The following SLC41A2 variants were observed in gnomAD, a reference collection of about 807,000 sequenced individuals.
The protein encoded by SLC41A2 is solute carrier family 41 member 2.
In SLC41A2, 32 loss-of-function variants were observed where a neutral mutation model predicts 58.3. The observed-to-expected ratio is 0.55, with a 90% CI of 0.41 to 0.74. The LOEUF (loss-of-function observed/expected upper bound fraction) is 0.74. Ranked by LOEUF, SLC41A2 falls within the 30% of genes least tolerant of loss-of-function variation. The pLI, the probability that SLC41A2 is intolerant of heterozygous loss-of-function variation, is 0.00. For synonymous variants in SLC41A2, 190 were observed against 235.0 expected, an observed-to-expected ratio of 0.81 and a Z score of 1.75; for missense variants, 514 against 680.6, an observed-to-expected ratio of 0.76 and a Z score of 2.72.
At chr12:104,901,545 T>G (rs1339006227) in intron 3 of SLC41A2, among the ~76,000 whole-genome samples, 1 of 151,912 alleles carries the variant, frequency 6.6e-6, no homozygotes, top group Non-Finnish European at 1.5e-5. Context: ...CTATTTTTAT[T>G]TATTTATTTA....
chr12:104,900,649 C>T (rs2045516724), intron 3 of SLC41A2, among the ~76,000 whole-genome samples: 1 of 152,146 alleles, frequency 6.6e-6, no homozygotes. Flanking sequence ...ATGTTTATAA[C>T]TTAAGAAAGA....
At chr12:104,938,659 A>C (rs1046761714) in intron 1 of SLC41A2, among the ~76,000 whole-genome samples, 1 of 152,246 alleles carries the variant, frequency 6.6e-6, no homozygotes, top group Non-Finnish European at 1.5e-5. Context: ...TACAGCAACC[A>C]CAGCCACCCC....
Position 104,928,402 on chromosome 12 carries a change from G to C in SLC41A2, c.126C>G (p.Leu42=). The C allele has an allele frequency of 6.4e-7, 1 of 1,564,804 alleles. No individual in the cohort carries two copies. The highest frequency in any genetic ancestry group is 8.7e-7 in the Non-Finnish European group (1 of 1,153,046). The change falls in exon 2 of 11, where the codon CTC becomes CTG. Residue 42 remains leucine (L), a synonymous_variant. Coordinates refer to ENST00000258538, the MANE Select transcript of SLC41A2 (RefSeq NM_001352171.3). The part of the protein sequence containing the change: ...TIQSDKFLNL[L]LSMVPVIYQK... ...GGTAAATCACTGGAACCATACTCAA[G>C]AGTAAATTTAAAAACTTGTCGGATT...
intron 1 of SLC41A2, among the ~76,000 whole-genome samples, chr12:104,947,324 C>A (rs1197566532): frequency 6.6e-6 from 1 of 150,978 alleles, no homozygotes; most frequent in Non-Finnish European, 1.5e-5. Flanking sequence ...CTGCCTCAGC[C>A]TCCTGAGTAG....
intron 3 of SLC41A2, among the ~76,000 whole-genome samples, chr12:104,899,248 C>T (rs1042488168): frequency 3.3e-5 from 5 of 152,134 alleles, no homozygotes; most frequent in African/African-American, 1.2e-4. Flanking sequence ...GCTTTAAAGA[C>T]TTTATTCAAT....
chr12:104,934,125 C>A (rs1162725922), intron 1 of SLC41A2, among the ~76,000 whole-genome samples: 1 of 151,812 alleles, frequency 6.6e-6, no homozygotes, highest in African/African-American at 2.4e-5. Context: ...TGCATATATA[C>A]CACAAAATTT....
At chr12:104,951,423 C>T (rs563661790) in intron 1 of SLC41A2, 8 of 152,164 alleles carry the variant, frequency 5.3e-5, no homozygotes, top group African/African-American at 1.9e-4. Context: ...TAAAAACTAA[C>T]GAGCAAAATT....
At chr12:104,918,928 T>C (rs962328268) in intron 2 of SLC41A2, among the ~76,000 whole-genome samples, 5 of 152,164 alleles carry the variant, frequency 3.3e-5, no homozygotes, top group Non-Finnish European at 4.4e-5. Context: ...GATATTGGCA[T>C]TGATACAGTC....
At position 104,804,220 on chromosome 12, in the gene SLC41A2, C is replaced by T. The variant is rs1311110784; in HGVS notation, c.*932G>A. On this transcript the variant is annotated 3_prime_UTR_variant, in exon 11 of 11. Coordinates refer to ENST00000258538, the MANE Select transcript of SLC41A2 (RefSeq NM_001352171.3). ...CTGGTCAGCAGCAAAATTTTTGGAC[C>T]CAATGACAAAAACATGTTAATAGAA... The T allele has an allele frequency of 6.7e-6, 1 of 150,176 alleles. No homozygotes were observed. The highest frequency in any genetic ancestry group is 1.5e-5 in the Non-Finnish European group (1 of 67,658). The allele number at this position is 150,176 out of a possible 1,614,324, so 9.3% of individuals were successfully genotyped here.
intron 10 of SLC41A2, chr12:104,834,055 T>C (rs562394597): frequency 1.0e-6 from 1 of 985,376 alleles, no homozygotes. Context: ...TATCAGGCTT[T>C]ACAAGACCGA....
At chr12:104,925,314 T>C (rs2046785887) in intron 2 of SLC41A2, among the ~76,000 whole-genome samples, 1 of 151,924 alleles carries the variant, frequency 6.6e-6, no homozygotes, top group Non-Finnish European at 1.5e-5. Flanking sequence ...ATCCCAGCAC[T>C]TTGGGAGGCC....
At chr12:104,937,230 A>G (rs1468571462) in intron 1 of SLC41A2, among the ~76,000 whole-genome samples, 2 of 152,352 alleles carry the variant, frequency 1.3e-5, no homozygotes, top group East Asian at 3.9e-4. Flanking sequence ...TAAAGTCTGC[A>G]GTAGTGCACA....
At chr12:104,857,583 G>T (rs2043062609) in intron 8 of SLC41A2, among the ~76,000 whole-genome samples, 1 of 152,042 alleles carries the variant, frequency 6.6e-6, no homozygotes, top group Non-Finnish European at 1.5e-5. Flanking sequence ...ATTCACAATA[G>T]CAAAGACTTG....
chr12:104,880,488 C>T (rs1476376382), intron 6 of SLC41A2, among the ~76,000 whole-genome samples: 1 of 152,088 alleles, frequency 6.6e-6, no homozygotes, highest in Non-Finnish European at 1.5e-5. Flanking sequence ...GAGATATGTC[C>T]CATCAATACC....
intron 10 of SLC41A2, among the ~76,000 whole-genome samples, chr12:104,833,361 C>T (rs1304507591): frequency 6.6e-6 from 1 of 152,168 alleles, no homozygotes; most frequent in Non-Finnish European, 1.5e-5. Context: ...CCCAAGTAAT[C>T]ATACTTCTAC....
In SLC41A2 at chr12:104,883,823, C is replaced by T. The variant is rs113717475; in HGVS notation, c.1027+2470G>A. Reference sequence around the variant, plus strand: ...GGACCCACTTGAGGAGGCAGTCTGTCCGTTCTCAGATCTCAAACTCCGTGC... The same window carrying T: ...GGACCCACTTGAGGAGGCAGTCTGTTCGTTCTCAGATCTCAAACTCCGTGC... On this transcript the variant is annotated intron_variant, in intron 6 of 10. Transcript: ENST00000258538. 8.0e-3 allele frequency among the ~76,000 whole-genome samples: 1,215 copies of T among 152,338 alleles called. 8 individuals are homozygous for T. The highest frequency in any genetic ancestry group is 0.02 in the Middle Eastern group (6 of 294).
At chr12:104,932,751 T>C (rs964679126) in intron 1 of SLC41A2, among the ~76,000 whole-genome samples, 3 of 151,328 alleles carry the variant, frequency 2.0e-5, no homozygotes, top group Non-Finnish European at 4.4e-5. Context: ...CCAACTGATA[T>C]TCAAGAAGCA....
chr12:104,803,253 GA>G lies in SLC41A2; in HGVS notation c.*1898del, dbSNP rs2040759681. ...TATAATAAAATCAAAGATATTCATG[GA>G]TTTTTTTAAGTAAAAAATCTTTGCA... On this transcript the variant is annotated 3_prime_UTR_variant, in exon 11 of 11. Coordinates refer to ENST00000258538, the MANE Select transcript of SLC41A2 (RefSeq NM_001352171.3). The G allele has an allele frequency of 6.6e-6, 1 of 151,480 alleles. No individual in the cohort carries two copies. Among genetic ancestry groups the G allele is most frequent in the Non-Finnish European group, 1.5e-5 (1 of 67,906 alleles). The allele number at this position is 151,480 out of a possible 1,614,324, so 9.4% of individuals were successfully genotyped here. A position where few individuals can be genotyped will look rare whatever the true frequency, so the allele number is the denominator to read the frequency against.
At chr12:104,910,735 CCAAA>C (rs149578992) in intron 2 of SLC41A2, among the ~76,000 whole-genome samples, 1,882 of 152,246 alleles carry the variant, frequency 0.012, 51 homozygotes, top group African/African-American at 0.043. Context: ...ATACCAAATT[CCAAA>C]CAGTCTTTAG....
Sources: gnomAD v4.1 joint callset for allele counts (sites outside exome capture counted in the v4.1 genomes callset) on GRCh38, gnomAD v4.1.1 for gene constraint, MANE v1.5 for transcripts, NCBI Gene and HGNC (gene_info 2026-07-23, HGNC 2026-07-21) for gene names.